The following ZC3H18 variants were observed in gnomAD, a reference collection of about 807,000 sequenced individuals.
ZC3H18 encodes zinc finger CCCH domain-containing protein 18.
Under a neutral mutation model 106.1 loss-of-function variants are expected in ZC3H18, and 8 were observed. That is an observed-to-expected ratio of 0.08 (90% CI 0.04 to 0.14). ZC3H18 has a LOEUF of 0.14. Among genes scored for constraint, ZC3H18 ranks in the 10% least tolerant of loss-of-function variants. The pLI, the probability that ZC3H18 is intolerant of heterozygous loss-of-function variation, is 1.00. For synonymous variants in ZC3H18, 635 were observed against 522.1 expected (o/e 1.22, Z -2.95); for missense variants, 1,318 against 1,278.4 (o/e 1.03, Z -0.47).
rs1906664343 is a variant in ZC3H18 at position 88,631,143 on chromosome 16, C to G, written c.2706C>G (p.Val902=). 6.2e-7 allele frequency: 1 copy of G among 1,613,270 alleles called. No individual in the cohort carries two copies. The highest frequency in any genetic ancestry group is 8.5e-7 in the Non-Finnish European group (1 of 1,180,026). The change falls in exon 18 of 18, where the codon GTC becomes GTG. Residue 902 remains valine (V), a synonymous_variant. Coordinates refer to ENST00000301011, the MANE Select transcript of ZC3H18 (RefSeq NM_144604.4). ...LSPQSKSSSK[V]TSVPGKASDP... ...CCCAGTCCAAGAGCTCCAGCAAGGT[C>G]ACGAGCGTGCCCGGCAAAGCCTCGG...
chr16:88,587,131 G>A (rs1001418212), intron 3 of ZC3H18, among the ~76,000 whole-genome samples: 3 of 152,222 alleles, frequency 2.0e-5, no homozygotes, highest in Non-Finnish European at 4.4e-5. Context: ...AATGGATTTC[G>A]AAATGGCCAG....
rs1906691312 is a variant in ZC3H18 at position 88,631,524 on chromosome 16, C to A, written c.*225C>A. On this transcript the variant is annotated 3_prime_UTR_variant, in exon 18 of 18. Transcript: ENST00000301011. Reference sequence around the variant, plus strand: ...CCGCAGGACAGACAGACACAGACAGCGCTAGTGACCAGCACGGTTCTCATG... The same window carrying A: ...CCGCAGGACAGACAGACACAGACAGAGCTAGTGACCAGCACGGTTCTCATG... The A allele has an allele frequency of 1.5e-6, 1 of 658,518 alleles. No homozygotes were observed. The allele number at this position is 658,518 out of a possible 1,614,324, so 40.8% of individuals were successfully genotyped here.
Position 88,599,941 on chromosome 16 carries a change from G to A in ZC3H18, c.1081G>A (p.Asp361Asn). The change falls in exon 6 of 18, where the codon GAC becomes AAC. Residue 361 changes from aspartate (D) to asparagine (N), a missense_variant. Physicochemically the swap from Asp to Asn is conservative, Grantham distance 23. Around this residue, in one of 6 missense-constraint regions of ZC3H18, gnomAD observed 848 missense variants for 821.7 expected, o/e 1.03. Coordinates refer to ENST00000301011, the MANE Select transcript of ZC3H18 (RefSeq NM_144604.4). Reference protein sequence around the residue: ...WNSRIPRDVRDTVLEPYADPY... With the variant: ...WNSRIPRDVRNTVLEPYADPY... ...TTCTCGGATCCCGAGAGATGTCAGA[G>A]ACACAGTGTAAGGAATGGCCCTGCC... 2 of 1,614,030 alleles carry A rather than the reference G, an allele frequency of 1.2e-6. No homozygotes were observed. The highest frequency in any genetic ancestry group is 1.7e-6 in the Non-Finnish European group (2 of 1,179,934).
chr16:88,607,582 T>A (rs889531080), intron 6 of ZC3H18, among the ~76,000 whole-genome samples: 2 of 152,056 alleles, frequency 1.3e-5, no homozygotes, highest in African/African-American at 4.8e-5. Flanking sequence ...GCACACTTTG[T>A]ATCAGGCGTC....
At chr16:88,597,960 C>G (rs1258298923) in intron 3 of ZC3H18, among the ~76,000 whole-genome samples, 2 of 152,208 alleles carry the variant, frequency 1.3e-5, no homozygotes, top group Admixed American at 1.3e-4. Context: ...TGCCTGGCAG[C>G]CTCTGGGGAA....
At chr16:88,615,048 G>A (rs1308652776) in intron 8 of ZC3H18, among the ~76,000 whole-genome samples, 6 of 141,934 alleles carry the variant, frequency 4.2e-5, no homozygotes, top group African/African-American at 1.1e-4. Context: ...CACCTGCTCC[G>A]TTCCCTCTGC....
intron 3 of ZC3H18, among the ~76,000 whole-genome samples, chr16:88,592,534 C>T (rs1238338359): frequency 2.0e-5 from 3 of 152,064 alleles, no homozygotes; most frequent in Admixed American, 6.5e-5. Context: ...AGTGCAATGG[C>T]GTGATCTCAG....
chr16:88,589,824 T>C (rs997149986), intron 3 of ZC3H18, among the ~76,000 whole-genome samples: 1 of 152,212 alleles, frequency 6.6e-6, no homozygotes, highest in Non-Finnish European at 1.5e-5. Context: ...TGATAGCTAG[T>C]GAGTACAGGA....
At chr16:88,604,542 C>T (rs79688656) in intron 6 of ZC3H18, among the ~76,000 whole-genome samples, 30,989 of 151,514 alleles carry the variant, frequency 0.2, 3,369 homozygotes, top group East Asian at 0.32. Flanking sequence ...AAAAATTAGC[C>T]AGGCGTGGTG....
At chr16:88,593,819 T>C (rs1265827887) in intron 3 of ZC3H18, among the ~76,000 whole-genome samples, 1 of 152,218 alleles carries the variant, frequency 6.6e-6, no homozygotes, top group African/African-American at 2.4e-5. Context: ...AGTTGAAAAT[T>C]GGACTTTTGT....
At chr16:88,583,221 C>T (rs556903806) in intron 2 of ZC3H18, among the ~76,000 whole-genome samples, 1 of 152,216 alleles carries the variant, frequency 6.6e-6, no homozygotes, top group Non-Finnish European at 1.5e-5. Context: ...TACATGTTCA[C>T]AGTGTTCTTT....
chr16:88,598,591 T>C, intron 4 of ZC3H18, 29 bp from the exon 5 acceptor site: 2 of 1,588,364 alleles, frequency 1.3e-6, no homozygotes, highest in Non-Finnish European at 1.7e-6. Context: ...TTTTACTTTC[T>C]CACCTTCTCC....
chr16:88,619,013 C>G (rs1326168151), intron 8 of ZC3H18, among the ~76,000 whole-genome samples: 1 of 152,106 alleles, frequency 6.6e-6, no homozygotes, highest in Non-Finnish European at 1.5e-5. Context: ...CTGGTTTTTC[C>G]AAGTCTAATC....
chr16:88,599,620 C>T (rs1271196021), intron 5 of ZC3H18, among the ~76,000 whole-genome samples, 171 bp from the exon 6 acceptor site: 1 of 152,162 alleles, frequency 6.6e-6, no homozygotes, highest in Non-Finnish European at 1.5e-5. Flanking sequence ...GACTGCCCTC[C>T]CCAGAAGGAC....
chr16:88,590,076 A>C (rs1915653588), intron 3 of ZC3H18, among the ~76,000 whole-genome samples: 1 of 152,174 alleles, frequency 6.6e-6, no homozygotes, highest in African/African-American at 2.4e-5. Flanking sequence ...TGAGCCCAGG[A>C]GTTAGAGACC....
At chr16:88,598,747 G>T in intron 5 of ZC3H18, 35 bp downstream of exon 5, 1 of 1,577,006 alleles carries the variant, frequency 6.3e-7, no homozygotes, top group Non-Finnish European at 8.6e-7. Flanking sequence ...CGACAAGAAA[G>T]ATGCTATTAC....
At chr16:88,595,895 G>A (rs142053082) in intron 3 of ZC3H18, among the ~76,000 whole-genome samples, 60 of 152,222 alleles carry the variant, frequency 3.9e-4, no homozygotes, top group Admixed American at 3.6e-3. Context: ...CCACATTCCC[G>A]ACAGTTGGGT....
intron 3 of ZC3H18, among the ~76,000 whole-genome samples, chr16:88,589,579 G>A (rs1915623590): frequency 6.6e-6 from 1 of 152,220 alleles, no homozygotes; most frequent in Non-Finnish European, 1.5e-5. Flanking sequence ...CACAGAGACA[G>A]AAAGCAGATT....
intron 8 of ZC3H18, among the ~76,000 whole-genome samples, chr16:88,617,080 T>C (rs1363481183): frequency 2.0e-5 from 3 of 152,094 alleles, no homozygotes; most frequent in Non-Finnish European, 4.4e-5. Context: ...TGAGCCCCAA[T>C]AGGAAACACT....
Sources: allele counts gnomAD v4.1 joint callset (sites outside exome capture counted in the v4.1 genomes callset), GRCh38; gene constraint gnomAD v4.1.1; regional missense constraint gnomAD v4.1.1; transcripts MANE v1.5; gene names NCBI Gene and HGNC (gene_info 2026-07-23, HGNC 2026-07-21).